Variants in DNAJC2 observed in about 807,000 individuals in gnomAD.
DNAJC2 encodes dnaJ homolog subfamily C member 2.
In DNAJC2, 32 loss-of-function variants were observed where a neutral mutation model predicts 94.0. That is an observed-to-expected ratio of 0.34 (90% CI 0.26 to 0.46). The LOEUF is 0.46. DNAJC2 is among the 20% of genes least tolerant of loss of function. DNAJC2 has a pLI of 1.00. For synonymous variants in DNAJC2, 210 were observed against 229.7 expected (o/e 0.91, Z 0.77); for missense variants, 550 against 719.5 (o/e 0.76, Z 2.69).
At chr7:103,319,012 G>A (rs181920385) in intron 12 of DNAJC2, among the ~76,000 whole-genome samples, 1 of 152,206 alleles carries the variant, frequency 6.6e-6, no homozygotes, top group East Asian at 1.9e-4. Context: ...AGGAGTTTGA[G>A]ACCAGCCTGG....
intron 2 of DNAJC2, among the ~76,000 whole-genome samples, chr7:103,339,942 G>A (rs1819315508): frequency 6.6e-6 from 1 of 152,144 alleles, no homozygotes; most frequent in East Asian, 1.9e-4. Flanking sequence ...GAGTTGAAGT[G>A]ATTCTCCTGC....
chr7:103,337,511 CCTAATT>C, intron 3 of DNAJC2: 1 of 463,876 alleles, frequency 2.2e-6, no homozygotes, highest in Non-Finnish European at 3.8e-6. Flanking sequence ...ACACACCCAT[CCTAATT>C]TCTTATCCCT....
chr7:103,342,382 T>G (rs555603960), intron 1 of DNAJC2, among the ~76,000 whole-genome samples: 5 of 152,084 alleles, frequency 3.3e-5, no homozygotes, highest in African/African-American at 1.2e-4. Flanking sequence ...CTCGGCTCAA[T>G]GCCGTCTCCA....
chr7:103,320,178 T>C (rs1354725095), intron 10 of DNAJC2, among the ~76,000 whole-genome samples: 1 of 152,044 alleles, frequency 6.6e-6, no homozygotes, highest in African/African-American at 2.4e-5. Context: ...AACCTCCACC[T>C]CCCGGGTTCA....
rs1818487297 is a variant in DNAJC2, at chr7:103,322,711, G to A, written c.803C>T (p.Thr268Ile). The change falls in exon 8 of 17, where the codon ACA (threonine) becomes ATA (isoleucine). Residue 268 changes from threonine to isoleucine, a missense_variant. By Grantham distance (89) the Thr-to-Ile change is moderately conservative (BLOSUM62 -1). Transcript: ENST00000379263. ...AAATCAATTCTACTTACCAACTAAT[G>A]TTCTTATTCTGTTCATTTCTTCTTT... ...RKKEEMNRIR[T>I]LVDNAYSCDP... The A allele has an allele frequency of 1.2e-6, 2 of 1,612,146 alleles. No individual in the cohort carries two copies. Among genetic ancestry groups the A allele is most frequent in the South Asian group, 1.1e-5 (1 of 91,060 alleles).
chr7:103,320,125 G>GTCGCCCAT (rs1413703004), intron 10 of DNAJC2, among the ~76,000 whole-genome samples: 1 of 152,140 alleles, frequency 6.6e-6, no homozygotes, highest in East Asian at 1.9e-4. Flanking sequence ...GAGTCTCACT[G>GTCGCCCAT]TCGCCCAGGC....
At chr7:103,314,329 A>C in intron 15 of DNAJC2, 2 of 985,440 alleles carry the variant, frequency 2.0e-6, no homozygotes, top group Non-Finnish European at 2.4e-6. Context: ...CACTATTCAA[A>C]AAATGGTGCC....
chr7:103,316,181 A>G (rs1453237466), intron 13 of DNAJC2, 93 bp from the exon 14 acceptor site: 3 of 748,248 alleles, frequency 4.0e-6, no homozygotes, highest in East Asian at 5.5e-5. Flanking sequence ...CAGAAAGGTT[A>G]TAGTATGTAC....
intron 10 of DNAJC2, among the ~76,000 whole-genome samples, chr7:103,321,066 T>C (rs368970856): frequency 6.6e-6 from 1 of 150,686 alleles, no homozygotes. Context: ...GGTGTGGTGG[T>C]ATGCACCTGT....
intron 1 of DNAJC2, 32 bp downstream of exon 1, chr7:103,344,527 T>C: frequency 6.2e-7 from 1 of 1,612,328 alleles, no homozygotes; most frequent in Non-Finnish European, 8.5e-7. Flanking sequence ...GCAGCTGAGG[T>C]GAGAAGGAAC....
At chr7:103,328,407 G>A (rs994973684) in intron 3 of DNAJC2, among the ~76,000 whole-genome samples, 1 of 151,938 alleles carries the variant, frequency 6.6e-6, no homozygotes, top group Non-Finnish European at 1.5e-5. Context: ...GAGCTGGGAG[G>A]ATCACTTGAG....
intron 13 of DNAJC2, 33 bp from the exon 14 acceptor site, chr7:103,316,121 G>A (rs1202750021): frequency 7.3e-7 from 1 of 1,376,084 alleles, no homozygotes; most frequent in Non-Finnish European, 9.9e-7. Context: ...AATATGAATA[G>A]TAGTAAGGAA....
chr7:103,325,025 G>A (rs1254029437), intron 5 of DNAJC2, among the ~76,000 whole-genome samples: 3 of 152,136 alleles, frequency 2.0e-5, no homozygotes, highest in Non-Finnish European at 4.4e-5. Context: ...CAGATTTCTC[G>A]GCTCAGCACT....
At chr7:103,332,332 C>G (rs1819011189) in intron 3 of DNAJC2, among the ~76,000 whole-genome samples, 1 of 152,270 alleles carries the variant, frequency 6.6e-6, no homozygotes, top group South Asian at 2.1e-4. Context: ...AACATTTTAA[C>G]TGGTTTTTCT....
In DNAJC2 at chr7:103,337,819, A is replaced by C. The variant is rs1478072614; in HGVS notation, c.256-8T>G. On this transcript the variant is annotated splice_polypyrimidine_tract_variant and splice_region_variant and intron_variant, in intron 2 of 16. Transcript: ENST00000379263. The stretch of plus-strand genomic sequence containing the variant: ...TGCATAATGATCTTGGTTCTGGAAA[A>C]AAAACACAAAAGGGAGTCAAATTTG... The C allele has an allele frequency of 6.2e-7, 1 of 1,611,092 alleles. No individual in the cohort carries two copies. The highest frequency in any genetic ancestry group is 1.7e-5 in the Admixed American group (1 of 59,504).
intron 12 of DNAJC2, chr7:103,317,292 T>A: frequency 2.9e-6 from 1 of 349,000 alleles, no homozygotes; most frequent in Non-Finnish European, 5.1e-6. Context: ...AATTGACAAG[T>A]CTGTGGGTCA....
At chr7:103,324,335 T>A (rs138147731) in intron 6 of DNAJC2, 147 bp downstream of exon 6, 3 of 582,178 alleles carry the variant, frequency 5.2e-6, no homozygotes, top group Non-Finnish European at 7.7e-6. Context: ...CTTAAAAGTG[T>A]AAATATCACA....
chr7:103,317,166 G>A (rs868647639), intron 12 of DNAJC2, 152 bp from the exon 13 acceptor site: 1 of 661,724 alleles, frequency 1.5e-6, no homozygotes, highest in South Asian at 2.0e-5. Context: ...AGAAGCACCA[G>A]CTTTTCACTC....
intron 3 of DNAJC2, chr7:103,328,782 C>A: frequency 3.6e-6 from 1 of 276,452 alleles, no homozygotes; most frequent in Non-Finnish European, 7.0e-6. Flanking sequence ...CTGCTTAATA[C>A]AGTATTTCAA....
Sources: gnomAD v4.1 joint callset for allele counts (sites outside exome capture counted in the v4.1 genomes callset) on GRCh38, gnomAD v4.1.1 for gene constraint, MANE v1.5 for transcripts, NCBI Gene and HGNC (gene_info 2026-07-23, HGNC 2026-07-21) for gene names.